NEDD9: variants seen among roughly 807,000 people sequenced by gnomAD.
NEDD9 encodes neural precursor cell expressed, developmentally down-regulated 9.
A neutral mutation model predicts 76.6 loss-of-function variants in NEDD9; 26 were observed. The ratio of observed to expected loss-of-function variants is 0.34; its 90% confidence interval spans 0.25 to 0.47. The LOEUF (loss-of-function observed/expected upper bound fraction) is 0.47, where lower values mean the gene tolerates loss of function less well. Among genes scored for constraint, NEDD9 ranks in the 20% least tolerant of loss-of-function variants. The pLI is 1.00. For synonymous variants in NEDD9, 392 were observed against 414.2 expected, an observed-to-expected ratio of 0.95 and a Z score of 0.65; for missense variants, 937 against 1,058.5, an observed-to-expected ratio of 0.89 and a Z score of 1.59.
At chr6:11,317,399 G>T (rs2113457232) in intron 2 of NEDD9, among the ~76,000 whole-genome samples, 1 of 151,758 alleles carries the variant, frequency 6.6e-6, no homozygotes, top group African/African-American at 2.4e-5. Flanking sequence ...CTGGGCTATA[G>T]GGTGAGGCTC....
intron 2 of NEDD9, among the ~76,000 whole-genome samples, chr6:11,208,580 C>T (rs1305450663): frequency 6.6e-6 from 1 of 152,220 alleles, no homozygotes; most frequent in African/African-American, 2.4e-5. Flanking sequence ...CACTGGGCTG[C>T]TATCTGTGGG....
chr6:11,356,645 A>G (rs1762580489), intron 1 of NEDD9, among the ~76,000 whole-genome samples: 1 of 152,058 alleles, frequency 6.6e-6, no homozygotes, highest in Admixed American at 6.6e-5. Context: ...GGCATCTGCC[A>G]CCTTCAGTAG....
At chr6:11,297,400 T>C (rs1057171488) in intron 3 of NEDD9, among the ~76,000 whole-genome samples, 1 of 152,196 alleles carries the variant, frequency 6.6e-6, no homozygotes, top group African/African-American at 2.4e-5. Context: ...AGGCTTCTTG[T>C]AAGGGGTTTA....
intron 3 of NEDD9, among the ~76,000 whole-genome samples, chr6:11,298,968 T>C (rs896161783): frequency 3.3e-5 from 5 of 152,334 alleles, no homozygotes; most frequent in South Asian, 2.1e-4. Context: ...AGGCACCTGA[T>C]TCATCTCACT....
At chr6:11,216,551 C>A (rs1758960875) in intron 1 of NEDD9, among the ~76,000 whole-genome samples, 1 of 152,260 alleles carries the variant, frequency 6.6e-6, no homozygotes, top group South Asian at 2.1e-4. Flanking sequence ...AGCCACGCAG[C>A]ATCCTTGTTA....
intron 1 of NEDD9, among the ~76,000 whole-genome samples, chr6:11,377,950 C>G (rs544357591): frequency 5.9e-5 from 9 of 152,216 alleles, no homozygotes; most frequent in African/African-American, 2.2e-4. Context: ...TACATGAGAT[C>G]TGGTTGTTTA....
At chr6:11,308,543 G>C (rs955194457) in intron 2 of NEDD9, among the ~76,000 whole-genome samples, 2 of 151,660 alleles carry the variant, frequency 1.3e-5, no homozygotes, top group African/African-American at 4.8e-5. Context: ...CTAATTTTTT[G>C]TATTTTTAGT....
chr6:11,260,936 TC>T (rs1760098508), intron 3 of NEDD9, among the ~76,000 whole-genome samples: 1 of 151,918 alleles, frequency 6.6e-6, no homozygotes, highest in Admixed American at 6.6e-5. Context: ...AAAGAATTCT[TC>T]CTGGGATTCA....
chr6:11,193,712 G>A lies in NEDD9; in HGVS notation c.460-20C>T. ...TATCACCTGTGGGAGAGAAGGCACAGAGGTGTAAATTTCCAAGCCTGAGTC... is the reference window on the plus strand; with the variant it reads ...TATCACCTGTGGGAGAGAAGGCACAAAGGTGTAAATTTCCAAGCCTGAGTC... On this transcript the variant is annotated intron_variant, in intron 2 of 6. Transcript: ENST00000379446. The A allele has an allele frequency of 3.2e-6, 5 of 1,583,802 alleles. No homozygotes were observed. The highest frequency in any genetic ancestry group is 4.3e-6 in the Non-Finnish European group (5 of 1,153,136).
At position 11,183,372 on chromosome 6, in the gene NEDD9, A is replaced by G. The variant is rs1291526098; in HGVS notation, c.*1790T>C. The G allele has an allele frequency of 6.6e-6, 1 of 152,214 alleles. No individual in the cohort carries two copies. The highest frequency in any genetic ancestry group is 1.5e-5 in the Non-Finnish European group (1 of 68,030). The allele number at this position is 152,214 out of a possible 1,614,324, so 9.4% of individuals were successfully genotyped here. On this transcript the variant is annotated 3_prime_UTR_variant, in exon 7 of 7. Transcript: ENST00000379446. Reference sequence around the variant, plus strand: ...TACAAGACGGCAAAGAGTAATACAGATTGAACATTTGGTTTTAAAAATGTG... The same window carrying G: ...TACAAGACGGCAAAGAGTAATACAGGTTGAACATTTGGTTTTAAAAATGTG...
upstream of NEDD9, among the ~76,000 whole-genome samples, chr6:11,234,536 C>T (rs1759560316): frequency 6.6e-6 from 1 of 152,074 alleles, no homozygotes; most frequent in African/African-American, 2.4e-5. Context: ...ATTTCATTCT[C>T]TAGCTAGTGG....
chr6:11,271,466 G>A (rs1176753163), intron 3 of NEDD9: 1 of 152,290 alleles, frequency 6.6e-6, no homozygotes, highest in Non-Finnish European at 1.5e-5. Flanking sequence ...GGTCTTAACA[G>A]TTAGCAGGTG....
At position 11,190,506 on chromosome 6, in the gene NEDD9, C is replaced by T. The variant is rs774477295; in HGVS notation, c.1363G>A (p.Val455Met). 1.4e-5 allele frequency: 23 copies of T among 1,614,068 alleles called. No individual in the cohort carries two copies. Among genetic ancestry groups the T allele is most frequent in the Non-Finnish European group, 1.9e-5 (23 of 1,180,042 alleles). ...AGGTACTCCTTCAGGAACAGCTCCA[C>T]CTTGTCCACTGCTGTGCGTATTTCA... is the stretch of plus-strand genomic sequence containing the variant. ...INEIRTAVDK[V>M]ELFLKEYLHF... Residue 455 changes from valine to methionine, a missense_variant, in exon 5 of 7, where the codon GTG (valine) becomes ATG (methionine). Physicochemically the swap from Val to Met is conservative, Grantham distance 21. Coordinates refer to ENST00000379446, the MANE Select transcript of NEDD9 (RefSeq NM_006403.4). This position sits in a 1 kb window ranked among gnomAD's most constrained non-coding sequence, Gnocchi z 5.8.
At position 11,213,794 on chromosome 6, in the gene NEDD9, C is replaced by T. The variant is rs1758862979; in HGVS notation, c.13-67G>A. The T allele has an allele frequency of 7.0e-7, 1 of 1,431,420 alleles. No individual in the cohort carries two copies. The highest frequency in any genetic ancestry group is 1.2e-5 in the South Asian group (1 of 80,164). The allele number at this position is 1,431,420 out of a possible 1,614,324, so 88.7% of individuals were successfully genotyped here. On this transcript the variant is annotated intron_variant, in intron 1 of 6. Coordinates refer to ENST00000379446, the MANE Select transcript of NEDD9 (RefSeq NM_006403.4). This position sits in a 1 kb window ranked among gnomAD's most constrained non-coding sequence, Gnocchi z 5.4. ...GGTCGGTCCCTTTATCACCTAAGGC[C>T]CGTGCTCTTATGGAAAGGCACACTT...
chr6:11,336,091 C>T (rs1281564082), intron 1 of NEDD9, among the ~76,000 whole-genome samples: 1 of 152,210 alleles, frequency 6.6e-6, no homozygotes, highest in Non-Finnish European at 1.5e-5. Context: ...CCTGCCCTCA[C>T]CTCCCTCAGA....
intron 1 of NEDD9, among the ~76,000 whole-genome samples, chr6:11,354,343 G>T (rs1762527368): frequency 6.6e-6 from 1 of 152,178 alleles, no homozygotes. Flanking sequence ...CTCCATATTT[G>T]GGAGCCCAGC....
rs190864959 is a variant in NEDD9 at position 11,252,675 on chromosome 6, T to C, written c.13-38948A>G. Among the ~76,000 whole-genome samples the C allele has an allele frequency of 1.5e-3, 234 of 152,144 alleles. No individual in the cohort carries two copies. The highest frequency in any genetic ancestry group is 2.5e-3 in the Non-Finnish European group (171 of 67,990). ...AAAGCATTATTATCCTAATCAAAGTTGAAAATGACAAATAGAGGACAGAAA... is the reference window on the plus strand; with the variant it reads ...AAAGCATTATTATCCTAATCAAAGTCGAAAATGACAAATAGAGGACAGAAA... On this transcript the variant is annotated intron_variant, in intron 3 of 3. Coordinates refer to the NEDD9 transcript ENST00000397378. This position sits in a 1 kb window ranked among gnomAD's most constrained non-coding sequence, Gnocchi z 4.3.
At chr6:11,200,539 T>C in intron 2 of NEDD9, 9 of 1,092,518 alleles carry the variant, frequency 8.2e-6, no homozygotes, top group Non-Finnish European at 1.0e-5. Context: ...GAATGTTATG[T>C]ATGTCTTAGT....
intron 3 of NEDD9, among the ~76,000 whole-genome samples, chr6:11,302,856 G>T (rs1237432607): frequency 6.6e-6 from 1 of 152,144 alleles, no homozygotes; most frequent in Non-Finnish European, 1.5e-5. Context: ...GGTATTGGTG[G>T]AACGTATCTC....
Sources: gnomAD v4.1 joint callset for allele counts (sites outside exome capture counted in the v4.1 genomes callset) on GRCh38, gnomAD v4.1.1 for gene constraint, Gnocchi (gnomAD v3.1) non-coding constraint, MANE v1.5 for transcripts, NCBI Gene and HGNC (gene_info 2026-07-23, HGNC 2026-07-21) for gene names.